Variants in SRGN observed in about 807,000 individuals in gnomAD.
SRGN encodes the protein hematopoetic proteoglycan core peptide.
A neutral mutation model predicts 9.5 loss-of-function variants in SRGN; 2 were observed. That is an observed-to-expected ratio of 0.21 (90% CI 0.09 to 0.66). The LOEUF is 0.66. Ranked by LOEUF, SRGN falls within the 30% of genes least tolerant of loss-of-function variation. SRGN has a pLI of 0.83. For missense variants in SRGN, 170 were observed against 192.4 expected, an observed-to-expected ratio of 0.88 and a Z score of 0.69; for synonymous variants, 59 against 72.3, an observed-to-expected ratio of 0.82 and a Z score of 0.93.
chr10:69,091,725 C>G (rs1361150080), intron 1 of SRGN, among the ~76,000 whole-genome samples: 1 of 150,626 alleles, frequency 6.6e-6, no homozygotes, highest in Admixed American at 6.6e-5. Flanking sequence ...ACTAAAAATA[C>G]AAAAATTAGC....
intron 1 of SRGN, among the ~76,000 whole-genome samples, chr10:69,091,915 G>GAAA (rs144115937): frequency 2.7e-5 from 2 of 73,702 alleles, no homozygotes; most frequent in East Asian, 4.7e-4. Flanking sequence ...AAAAGAAAAA[G>GAAA]AAAAGAAAAG....
intron 2 of SRGN, among the ~76,000 whole-genome samples, chr10:69,103,247 T>A (rs892964510): frequency 2.0e-5 from 3 of 151,806 alleles, no homozygotes; most frequent in African/African-American, 7.2e-5. Flanking sequence ...CCAAGAGGAC[T>A]TCTTTTAAAA....
chr10:69,092,374 C>T (rs1206522180), intron 1 of SRGN, among the ~76,000 whole-genome samples: 2 of 152,194 alleles, frequency 1.3e-5, no homozygotes, highest in Non-Finnish European at 1.5e-5. Flanking sequence ...TTAACATCAT[C>T]GGCCCCAAAT....
At chr10:69,098,283 A>T (rs1840219322) in intron 2 of SRGN, among the ~76,000 whole-genome samples, 1 of 152,218 alleles carries the variant, frequency 6.6e-6, no homozygotes, top group South Asian at 2.1e-4. Context: ...AACATAGATA[A>T]ACCTTGGAAA....
At chr10:69,092,387 G>A (rs1431295079) in intron 1 of SRGN, among the ~76,000 whole-genome samples, 1 of 152,174 alleles carries the variant, frequency 6.6e-6, no homozygotes, top group Non-Finnish European at 1.5e-5. Context: ...CCCCAAATTA[G>A]ATAGGCTTTT....
At chr10:69,097,935 C>T (rs538814253) in intron 2 of SRGN, among the ~76,000 whole-genome samples, 8 of 152,156 alleles carry the variant, frequency 5.3e-5, no homozygotes, top group Admixed American at 1.3e-4. Flanking sequence ...TTTCTTCAAG[C>T]TGTCCAGAGT....
At chr10:69,089,709 C>T (rs577552745) in intron 1 of SRGN, among the ~76,000 whole-genome samples, 1 of 151,796 alleles carries the variant, frequency 6.6e-6, no homozygotes, top group Non-Finnish European at 1.5e-5. Flanking sequence ...GCCTGGCCAA[C>T]ATAGTGAAAT....
intron 2 of SRGN, among the ~76,000 whole-genome samples, chr10:69,103,272 C>T (rs902176926): frequency 1.4e-5 from 2 of 146,080 alleles, no homozygotes; most frequent in Non-Finnish European, 3.0e-5. Flanking sequence ...TTTCTTGGGC[C>T]GGGTGCAGTG....
At chr10:69,101,180 G>C (rs552595004) in intron 2 of SRGN, among the ~76,000 whole-genome samples, 1 of 152,020 alleles carries the variant, frequency 6.6e-6, no homozygotes, top group South Asian at 2.1e-4. Flanking sequence ...GACCAGGCTG[G>C]TCTTGAACTT....
At chr10:69,101,577 G>A (rs754401911) in intron 2 of SRGN, among the ~76,000 whole-genome samples, 6 of 152,158 alleles carry the variant, frequency 3.9e-5, no homozygotes, top group South Asian at 2.1e-4. Context: ...TTGACTCTGC[G>A]TCTTCTCCAG....
At chr10:69,102,205 C>T (rs192095581) in intron 2 of SRGN, among the ~76,000 whole-genome samples, 156 of 152,088 alleles carry the variant, frequency 1.0e-3, no homozygotes, top group African/African-American at 3.6e-3. Context: ...GGCCTGGGCC[C>T]CCTTCTCTAT....
At chr10:69,096,208 C>G (rs1341889195) in intron 1 of SRGN, among the ~76,000 whole-genome samples, 3 of 152,142 alleles carry the variant, frequency 2.0e-5, no homozygotes, top group Non-Finnish European at 2.9e-5. Context: ...CTTTCTGAAC[C>G]TGATTTGACT....
intron 1 of SRGN, among the ~76,000 whole-genome samples, 161 bp downstream of exon 1, chr10:69,088,397 T>A (rs1839982237): frequency 6.6e-6 from 1 of 152,196 alleles, no homozygotes; most frequent in South Asian, 2.1e-4. Flanking sequence ...TGAGTTCTGT[T>A]AAGTTTGGTA....
At chr10:69,088,874 G>C (rs1312537445) in intron 1 of SRGN, among the ~76,000 whole-genome samples, 2 of 152,048 alleles carry the variant, frequency 1.3e-5, no homozygotes, top group Non-Finnish European at 2.9e-5. Context: ...TATCTTCCTA[G>C]GTTTATCTAC....
At chr10:69,087,857 T>C (rs1839969462), upstream of SRGN, among the ~76,000 whole-genome samples, 1 of 151,654 alleles carries the variant, frequency 6.6e-6, no homozygotes. Flanking sequence ...ACTGTTTCGG[T>C]GGGAAAAAAA....
At chr10:69,099,995 C>T (rs1261260383) in intron 2 of SRGN, among the ~76,000 whole-genome samples, 2 of 152,014 alleles carry the variant, frequency 1.3e-5, no homozygotes, top group Admixed American at 6.6e-5. Flanking sequence ...GAGGCCGAGG[C>T]GGATAGCTTG....
chr10:69,091,461 A>G (rs1840049958), intron 1 of SRGN, among the ~76,000 whole-genome samples: 1 of 152,210 alleles, frequency 6.6e-6, no homozygotes, highest in African/African-American at 2.4e-5. Flanking sequence ...TTGATAGACC[A>G]GGAGGAAGTA....
intron 2 of SRGN, among the ~76,000 whole-genome samples, chr10:69,099,618 C>A (rs72805474): frequency 2.5e-3 from 378 of 152,178 alleles, no homozygotes; most frequent in Non-Finnish European, 4.5e-3. Context: ...GTGACTTTCT[C>A]CATCACTGGT....
rs1464361652 is a variant in SRGN at position 69,088,239 on chromosome 10, A to G, written c.79+3A>G. On this transcript the variant is annotated splice_donor_region_variant and intron_variant, in intron 1 of 2. Transcript: ENST00000242465. ...GGTTCTGGAATCCTCAGTTCAAGGT[A>G]AGACTCAGGAGTCTTGTTCCCCAGC... The G allele has an allele frequency of 6.2e-7, 1 of 1,613,500 alleles. No homozygotes were observed. Among genetic ancestry groups the G allele is most frequent in the African/African-American group, 1.3e-5 (1 of 74,894 alleles).
Sources: allele counts gnomAD v4.1 joint callset (sites outside exome capture counted in the v4.1 genomes callset), GRCh38; gene constraint gnomAD v4.1.1; transcripts MANE v1.5; gene names NCBI Gene and HGNC (gene_info 2026-07-23, HGNC 2026-07-21).